ARHGEF7: variants seen among roughly 807,000 people sequenced by gnomAD.
The protein encoded by ARHGEF7 is Rho guanine nucleotide exchange factor 7, also known as PAK-interacting exchange factor beta.
A neutral mutation model predicts 109.8 loss-of-function variants in ARHGEF7; 33 were observed. The observed-to-expected ratio is 0.30, with a 90% CI of 0.23 to 0.40. The LOEUF is 0.40. ARHGEF7 is among the 10% of genes least tolerant of loss of function. The pLI is 1.00. For missense variants in ARHGEF7, 938 were observed against 1,098.5 expected (o/e 0.85, Z 2.07); for synonymous variants, 458 against 424.6 (o/e 1.08, Z -0.97).
intron 19 of ARHGEF7, chr13:111,292,949 T>A: frequency 1.0e-6 from 1 of 985,956 alleles, no homozygotes; most frequent in East Asian, 1.1e-4. Flanking sequence ...ACCTCACGGC[T>A]CTGTGCTCTT....
rs768987816 is a variant in ARHGEF7, at chr13:111,153,931, C to T, written c.192C>T (p.Ser64=). 14 of 1,605,344 alleles carry T rather than the reference C, an allele frequency of 8.7e-6. No homozygotes were observed. The East Asian group carries it at 1.4e-4, about 16-fold the overall frequency. ...TCTACCCCGAGCCCCGGAGCGAGAG[C>T]GAGTGCCTGAGCAACATCCGCGAGT... is the stretch of plus-strand genomic sequence containing the variant. ...EKVYPEPRSE[S]ECLSNIREFL... is the part of the protein sequence containing the mutation. Residue 64 remains serine (S), a synonymous_variant, in exon 2 of 22, where the codon AGC becomes AGT. Coordinates refer to ENST00000646102, the MANE Select transcript of ARHGEF7 (RefSeq NM_001354046.2).
chr13:111,209,976 C>T lies in ARHGEF7; in HGVS notation c.442C>T (p.Leu148=). 1.2e-6 allele frequency: 2 copies of T among 1,614,210 alleles called. No homozygotes were observed. The highest frequency in any genetic ancestry group is 1.7e-6 in the Non-Finnish European group (2 of 1,180,046). ...GTCTTTGCACACTCGGACTTCAAAA[C>T]TGTTCCAGGGCCAGTATCGGAGTTT... is the stretch of plus-strand genomic sequence containing the variant. ...SQSLHTRTSK[L]FQGQYRSLDM... Residue 148 remains leucine (L), a synonymous_variant, in exon 4 of 22, where the codon CTG becomes TTG. Coordinates refer to ENST00000646102, the MANE Select transcript of ARHGEF7 (RefSeq NM_001354046.2).
intron 1 of ARHGEF7, among the ~76,000 whole-genome samples, chr13:111,130,762 C>T (rs888636768): frequency 6.6e-6 from 1 of 152,220 alleles, no homozygotes; most frequent in Non-Finnish European, 1.5e-5. Context: ...AGAAACTATG[C>T]CCCTTGGCAG....
Position 111,209,859 on chromosome 13 carries a change from A to G in ARHGEF7, c.338-13A>G. 3.1e-6 allele frequency: 5 copies of G among 1,613,456 alleles called. No homozygotes were observed. Among genetic ancestry groups the G allele is most frequent in the Non-Finnish European group, 3.4e-6 (4 of 1,179,534 alleles). On this transcript the variant is annotated splice_polypyrimidine_tract_variant and intron_variant, in intron 3 of 21. Coordinates refer to ENST00000646102, the MANE Select transcript of ARHGEF7 (RefSeq NM_001354046.2). ...CTCTCAGCTCTCTTTTTCTGTGTGCATGCTCTTTGCAGACATCGGGCTGGG... is the reference window on the plus strand; with the variant it reads ...CTCTCAGCTCTCTTTTTCTGTGTGCGTGCTCTTTGCAGACATCGGGCTGGG...
intron 5 of ARHGEF7, among the ~76,000 whole-genome samples, chr13:111,220,701 G>T (rs1471074883): frequency 6.6e-6 from 1 of 152,116 alleles, no homozygotes. Flanking sequence ...AGCAGAGGAC[G>T]CCCTCCAAAG....
At chr13:111,168,961 G>A (rs1280508442) in intron 2 of ARHGEF7, among the ~76,000 whole-genome samples, 3 of 152,208 alleles carry the variant, frequency 2.0e-5, no homozygotes, top group Non-Finnish European at 4.4e-5. Context: ...CAGCAACTCA[G>A]TATTCACAAT....
At chr13:111,208,922 A>G (rs1047697293) in intron 3 of ARHGEF7, among the ~76,000 whole-genome samples, 2 of 152,200 alleles carry the variant, frequency 1.3e-5, no homozygotes, top group Non-Finnish European at 2.9e-5. Context: ...GCTTTACCTG[A>G]TGGGATATAG....
intron 2 of ARHGEF7, among the ~76,000 whole-genome samples, chr13:111,179,098 A>C: frequency 7.2e-6 from 1 of 139,804 alleles, no homozygotes; most frequent in Non-Finnish European, 1.5e-5. Context: ...TTTTTTTTTG[A>C]GACAGAATCT....
chr13:111,296,598 T>A (rs756032191), intron 19 of ARHGEF7, among the ~76,000 whole-genome samples: 3 of 152,266 alleles, frequency 2.0e-5, no homozygotes, highest in African/African-American at 4.8e-5. Context: ...CCAGCTGTTT[T>A]GTGTATGTGG....
intron 4 of ARHGEF7, among the ~76,000 whole-genome samples, chr13:111,210,233 T>A (rs1388715983): frequency 6.6e-6 from 1 of 152,208 alleles, no homozygotes; most frequent in Non-Finnish European, 1.5e-5. Flanking sequence ...TTAGGTTGTA[T>A]TGCAAGACTC....
At chr13:111,130,591 A>G (rs760415172) in intron 1 of ARHGEF7, among the ~76,000 whole-genome samples, 5 of 152,356 alleles carry the variant, frequency 3.3e-5, no homozygotes, top group Middle Eastern at 3.4e-3. Context: ...AATCTTTACT[A>G]TGTTCCAAGG....
At chr13:111,289,313 C>T (rs1340995346) in intron 18 of ARHGEF7, among the ~76,000 whole-genome samples, 4 of 152,176 alleles carry the variant, frequency 2.6e-5, no homozygotes, top group East Asian at 3.8e-4. Flanking sequence ...GGATTACAGG[C>T]GTGAGACACA....
intron 2 of ARHGEF7, among the ~76,000 whole-genome samples, chr13:111,179,514 A>C (rs1420218182): frequency 6.6e-6 from 1 of 152,202 alleles, no homozygotes; most frequent in African/African-American, 2.4e-5. Context: ...CCATGGTGTC[A>C]TTATCACACC....
chr13:111,130,043 A>C (rs2074659536), intron 1 of ARHGEF7, among the ~76,000 whole-genome samples: 1 of 152,250 alleles, frequency 6.6e-6, no homozygotes, highest in African/African-American at 2.4e-5. Context: ...ACGGCTCAGC[A>C]ATAAGAAGGA....
At chr13:111,165,133 A>G (rs1256752060) in intron 2 of ARHGEF7, among the ~76,000 whole-genome samples, 1 of 152,190 alleles carries the variant, frequency 6.6e-6, no homozygotes, top group East Asian at 1.9e-4. Flanking sequence ...TTCTACTCAC[A>G]TTACGTCTAA....
chr13:111,233,167 G>T (rs549128964), intron 5 of ARHGEF7, 38 bp from the exon 6 acceptor site: 9 of 1,542,048 alleles, frequency 5.8e-6, no homozygotes, highest in African/African-American at 4.1e-5. Flanking sequence ...GTCATCTTTA[G>T]TACTGATCAG....
chr13:111,168,456 T>C (rs1372909627), intron 2 of ARHGEF7, among the ~76,000 whole-genome samples: 1 of 152,180 alleles, frequency 6.6e-6, no homozygotes, highest in Non-Finnish European at 1.5e-5. Context: ...TTGACACTTT[T>C]CCTTCCATGT....
chr13:111,195,857 G>T (rs763965455), intron 2 of ARHGEF7, among the ~76,000 whole-genome samples: 1 of 152,136 alleles, frequency 6.6e-6, no homozygotes, highest in Non-Finnish European at 1.5e-5. Context: ...TCTGTCTGAG[G>T]GCCATGACTA....
intron 6 of ARHGEF7, among the ~76,000 whole-genome samples, chr13:111,238,781 T>G (rs2087228660): frequency 6.6e-6 from 1 of 152,116 alleles, no homozygotes; most frequent in Non-Finnish European, 1.5e-5. Flanking sequence ...ATGAGGTTTC[T>G]TAAGTCGCTG....
Sources: allele counts gnomAD v4.1 joint callset (sites outside exome capture counted in the v4.1 genomes callset), GRCh38; gene constraint gnomAD v4.1.1; transcripts MANE v1.5; gene names NCBI Gene and HGNC (gene_info 2026-07-23, HGNC 2026-07-21).